Variants in FIP1L1 observed in about 807,000 individuals in gnomAD.
FIP1L1 encodes the protein pre-mRNA 3'-end-processing factor FIP1.
A neutral mutation model predicts 84.6 loss-of-function variants in FIP1L1; 21 were observed. That is an observed-to-expected ratio of 0.25 (90% CI 0.18 to 0.36). FIP1L1 has a LOEUF of 0.36. Ranked by LOEUF, FIP1L1 falls within the 10% of genes least tolerant of loss-of-function variation. The pLI is 1.00. For missense variants in FIP1L1, 526 were observed against 751.1 expected, an observed-to-expected ratio of 0.70 and a Z score of 3.50; for synonymous variants, 263 against 242.3, an observed-to-expected ratio of 1.09 and a Z score of -0.80.
intron 13 of FIP1L1, among the ~76,000 whole-genome samples, chr4:53,434,024 C>T (rs1244488856): frequency 6.6e-6 from 1 of 152,070 alleles, no homozygotes; most frequent in Non-Finnish European, 1.5e-5. Flanking sequence ...CCTGCATTCT[C>T]ATTAGATTAT....
intron 10 of FIP1L1, among the ~76,000 whole-genome samples, chr4:53,404,116 C>T (rs1050559054): frequency 1.3e-5 from 2 of 150,626 alleles, no homozygotes; most frequent in Non-Finnish European, 3.0e-5. Flanking sequence ...CCCACTAACT[C>T]GTCATTTAGA....
intron 16 of FIP1L1, among the ~76,000 whole-genome samples, chr4:53,454,652 T>C (rs57717970): frequency 0.13 from 19,770 of 152,074 alleles, 2,566 homozygotes; most frequent in African/African-American, 0.32. Context: ...GCAGAGTCGA[T>C]TTACCATAAT....
chr4:53,435,667 T>G (rs1295012308), intron 13 of FIP1L1, among the ~76,000 whole-genome samples: 3 of 152,226 alleles, frequency 2.0e-5, no homozygotes, highest in Non-Finnish European at 2.9e-5. Flanking sequence ...TACTTTGTTG[T>G]GTGACCGTAC....
chr4:53,441,708 C>T lies in FIP1L1; in HGVS notation c.1175-945C>T, dbSNP rs191490867. Among the ~76,000 whole-genome samples, 41 of 151,962 alleles carry T rather than the reference C, an allele frequency of 2.7e-4. No individual in the cohort carries two copies. The East Asian group carries it at 7.3e-3, about 27-fold the overall frequency. On this transcript the variant is annotated intron_variant, in intron 13 of 17. Transcript: ENST00000337488. ...TCATTTTTTCACAGAATTACTAAAA[C>T]GGAGGCTTAGTGGAAGTGTTTTCAC...
chr4:53,444,243 A>G (rs1317984500), intron 15 of FIP1L1, 140 bp downstream of exon 15: 4 of 539,692 alleles, frequency 7.4e-6, no homozygotes, highest in East Asian at 6.0e-5. Context: ...TGAGTGGTCT[A>G]TGTATCTGCC....
rs113493703 is a variant in FIP1L1, at chr4:53,384,135, A to G, written c.332+259A>G. Among the ~76,000 whole-genome samples, 8 of 152,336 alleles carry G rather than the reference A, an allele frequency of 5.3e-5. No homozygotes were observed. The East Asian group carries it at 1.5e-3, about 29-fold the overall frequency. On this transcript the variant is annotated intron_variant, in intron 5 of 17. Coordinates refer to ENST00000337488, the MANE Select transcript of FIP1L1 (RefSeq NM_030917.4). ...AAAAGAATTGAGTGCTAGGCCAGGC[A>G]TAGAGGTTCATGCCTGTAATCCCAG...
At chr4:53,451,711 T>TTG (rs1716087216) in intron 15 of FIP1L1, among the ~76,000 whole-genome samples, 1 of 152,076 alleles carries the variant, frequency 6.6e-6, no homozygotes, top group African/African-American at 2.4e-5. Flanking sequence ...TTATATCCTA[T>TTG]TGTGGTTCAT....
In FIP1L1 at chr4:53,428,041, A is replaced by T; in HGVS notation, c.1032A>T (p.Arg344Ser). The T allele has an allele frequency of 6.2e-7, 1 of 1,605,708 alleles. No homozygotes were observed. The highest frequency in any genetic ancestry group is 8.5e-7 in the Non-Finnish European group (1 of 1,174,290). ...ENSNIQVLSE[R>S]SATEVDNNFS... Reference sequence around the variant, plus strand: ...TCTAATTTTAGGTCCTTTCTGAAAGATCTGCTACTGAAGTAGACAACAATT... The same window carrying T: ...TCTAATTTTAGGTCCTTTCTGAAAGTTCTGCTACTGAAGTAGACAACAATT... The change falls in exon 13 of 18, where the codon AGA becomes AGT. Residue 344 changes from arginine (R) to serine (S), a missense_variant. Physicochemically the swap from Arg to Ser is moderately radical, Grantham distance 110. Transcript: ENST00000337488.
chr4:53,412,547 T>A (rs1293529952), intron 10 of FIP1L1, among the ~76,000 whole-genome samples: 1 of 152,098 alleles, frequency 6.6e-6, no homozygotes, highest in African/African-American at 2.4e-5. Context: ...TTGAGTTAAT[T>A]GTTCTTGGTT....
rs562783862 is a variant in FIP1L1 at position 53,460,247 on chromosome 4, A to G, written c.*798A>G. ...TTTATACAGTTACTAACGATTGTGG[A>G]AAAAAAGAGCTTTAGCCATTTCTTA... On this transcript the variant is annotated 3_prime_UTR_variant, in exon 18 of 18. Transcript: ENST00000337488. 7 of 192,868 alleles carry G rather than the reference A, an allele frequency of 3.6e-5. No individual in the cohort carries two copies. The highest frequency in any genetic ancestry group is 1.6e-4 in the East Asian group (2 of 12,216). The allele number at this position is 192,868 out of a possible 1,614,324, so 11.9% of individuals were successfully genotyped here. A position where few individuals can be genotyped will look rare whatever the true frequency, so the allele number is the denominator to read the frequency against.
In FIP1L1 at chr4:53,382,266, T is replaced by C; in HGVS notation, c.171-12T>C. On this transcript the variant is annotated splice_polypyrimidine_tract_variant and intron_variant, in intron 3 of 17. Coordinates refer to ENST00000337488, the MANE Select transcript of FIP1L1 (RefSeq NM_030917.4). ...AATGCCTGACATGTATACTTACTTT[T>C]GTTGTTTGTAGTGCTAATCCTCCAT... The C allele has an allele frequency of 5.0e-6, 8 of 1,606,628 alleles. No homozygotes were observed. Among genetic ancestry groups the C allele is most frequent in the Non-Finnish European group, 6.8e-6 (8 of 1,173,262 alleles).
intron 11 of FIP1L1, among the ~76,000 whole-genome samples, chr4:53,425,231 G>T (rs1476372690): frequency 6.6e-6 from 1 of 151,884 alleles, no homozygotes; most frequent in African/African-American, 2.4e-5. Context: ...AACTTACTAG[G>T]TTTTTCTCTT....
intron 5 of FIP1L1, among the ~76,000 whole-genome samples, chr4:53,387,651 G>T (rs1199493144): frequency 1.3e-5 from 2 of 152,204 alleles, no homozygotes; most frequent in Admixed American, 6.5e-5. Flanking sequence ...GCAGAATGGG[G>T]AATAGAAAGT....
chr4:53,439,629 G>A (rs1382887089), intron 13 of FIP1L1, among the ~76,000 whole-genome samples: 1 of 151,882 alleles, frequency 6.6e-6, no homozygotes, highest in Non-Finnish European at 1.5e-5. Context: ...ATAGGATTTA[G>A]GAAACCGTTC....
At chr4:53,378,179 C>A (rs1331939562) in intron 1 of FIP1L1, 6 of 364,510 alleles carry the variant, frequency 1.6e-5, no homozygotes, top group African/African-American at 1.3e-4. Flanking sequence ...CGGTCCTGGC[C>A]CCCGGCTTCG....
chr4:53,392,137 C>T (rs1184622259), intron 9 of FIP1L1, among the ~76,000 whole-genome samples: 2 of 152,216 alleles, frequency 1.3e-5, no homozygotes, highest in Admixed American at 6.5e-5. Context: ...ATCACAGACC[C>T]AGTCCAAAGA....
chr4:53,391,346 C>G, intron 8 of FIP1L1, 84 bp from the exon 9 acceptor site: 1 of 1,253,786 alleles, frequency 8.0e-7, no homozygotes, highest in Non-Finnish European at 1.2e-6. Flanking sequence ...AAATCACAGA[C>G]TAGCCACAGC....
intron 10 of FIP1L1, among the ~76,000 whole-genome samples, chr4:53,409,607 G>A (rs950944782): frequency 7.2e-5 from 11 of 152,260 alleles, no homozygotes; most frequent in African/African-American, 2.7e-4. Flanking sequence ...AGCCTACAGA[G>A]GCAGGCAGGC....
intron 10 of FIP1L1, among the ~76,000 whole-genome samples, chr4:53,409,778 G>A (rs1393266368): frequency 3.9e-5 from 6 of 152,224 alleles, no homozygotes; most frequent in Admixed American, 1.3e-4. Context: ...CTCCGTGGGC[G>A]TAGGACCCTC....
Sources: allele counts gnomAD v4.1 joint callset (sites outside exome capture counted in the v4.1 genomes callset), GRCh38; gene constraint gnomAD v4.1.1; transcripts MANE v1.5; gene names NCBI Gene and HGNC (gene_info 2026-07-23, HGNC 2026-07-21).